The following ZFPM2 variants were observed in gnomAD, a reference collection of about 807,000 sequenced individuals.
ZFPM2 encodes zinc finger protein, FOG family member 2.
A neutral mutation model predicts 98.6 loss-of-function variants in ZFPM2; 20 were observed. That is an observed-to-expected ratio of 0.20 (90% CI 0.14 to 0.29). The LOEUF is 0.29. Ranked by LOEUF, ZFPM2 falls within the 10% of genes least tolerant of loss-of-function variation. The pLI, the probability that ZFPM2 is intolerant of heterozygous loss-of-function variation, is 1.00. For synonymous variants in ZFPM2, 518 were observed against 502.7 expected (o/e 1.03, Z -0.41); for missense variants, 1,310 against 1,388.6 (o/e 0.94, Z 0.90).
intron 5 of ZFPM2, among the ~76,000 whole-genome samples, chr8:105,707,973 ACT>A (rs1158916820): frequency 1.3e-5 from 2 of 152,058 alleles, no homozygotes; most frequent in African/African-American, 4.8e-5. Context: ...ATAATTTTTA[ACT>A]CTTTAGTCCA....
intron 4 of ZFPM2, among the ~76,000 whole-genome samples, chr8:105,578,547 C>A (rs1446205885): frequency 6.6e-6 from 1 of 152,054 alleles, no homozygotes; most frequent in Non-Finnish European, 1.5e-5. Context: ...AGATGTGATT[C>A]ATCTGAAAAT....
At chr8:105,365,787 T>A (rs1304567371) in intron 1 of ZFPM2, among the ~76,000 whole-genome samples, 1 of 152,182 alleles carries the variant, frequency 6.6e-6, no homozygotes, top group East Asian at 1.9e-4. Context: ...TGGCCTGGAC[T>A]TGGGCTTCGA....
intron 4 of ZFPM2, among the ~76,000 whole-genome samples, chr8:105,610,865 ACTGT>A (rs1394034576): frequency 6.6e-6 from 1 of 152,218 alleles, no homozygotes; most frequent in East Asian, 1.9e-4. Context: ...CAGGACCAAG[ACTGT>A]CTGGAGCAGC....
rs375017894 is a variant in ZFPM2 at position 105,343,996 on chromosome 8, TGAAG to T, written c.40+25020_40+25023del. ...GAGGCCTCACAATCATGGCAGAAGA[TGAAG>T]GAAGAGTAAAGGGATTTCTTACATG... On this transcript the variant is annotated intron_variant, in intron 1 of 7. Transcript: ENST00000407775. 2.4e-4 allele frequency among the ~76,000 whole-genome samples: 37 copies of T among 152,188 alleles called. No homozygotes were observed. In the East Asian group the frequency reaches 6.4e-3, roughly 26 times the overall value.
chr8:105,347,990 T>G (rs1409730299), intron 1 of ZFPM2, among the ~76,000 whole-genome samples: 1 of 152,188 alleles, frequency 6.6e-6, no homozygotes, highest in Non-Finnish European at 1.5e-5. Flanking sequence ...ATTGACCAAC[T>G]TTTCCTATCC....
At chr8:105,470,905 C>CAA (rs1812890460) in intron 3 of ZFPM2, among the ~76,000 whole-genome samples, 1 of 151,870 alleles carries the variant, frequency 6.6e-6, no homozygotes, top group Non-Finnish European at 1.5e-5. Flanking sequence ...TTACTAAATT[C>CAA]AAAATTATTT....
intron 3 of ZFPM2, among the ~76,000 whole-genome samples, chr8:105,487,719 C>G (rs1478564125): frequency 1.8e-4 from 27 of 152,042 alleles, no homozygotes; most frequent in Admixed American, 1.8e-3. Context: ...AAAAAAAACT[C>G]TATAGAATAA....
chr8:105,798,959 C>T lies in ZFPM2; in HGVS notation c.964+11C>T. 4 of 1,606,522 alleles carry T rather than the reference C, an allele frequency of 2.5e-6. No homozygotes were observed. Among genetic ancestry groups the T allele is most frequent in the Non-Finnish European group, 3.4e-6 (4 of 1,174,148 alleles). On this transcript the variant is annotated intron_variant, in intron 7 of 7. Transcript: ENST00000407775. ...TGAATTCACACAGTGGTAAATGCCC[C>T]TTTTGTTTCTTCTGTTGCTCCAGAA...
At chr8:105,798,629 G>A (rs1326508278) in intron 6 of ZFPM2, 95 bp from the exon 7 acceptor site, 2 of 1,019,700 alleles carry the variant, frequency 2.0e-6, no homozygotes, top group East Asian at 5.2e-5. Context: ...GAACCTGAGA[G>A]CGGAGTCTGA....
intron 3 of ZFPM2, among the ~76,000 whole-genome samples, chr8:105,542,961 C>T (rs939064994): frequency 6.6e-6 from 1 of 152,062 alleles, no homozygotes; most frequent in African/African-American, 2.4e-5. Context: ...TTAAAAATAA[C>T]TTCTTGTTCT....
chr8:105,388,888 G>A (rs1482688404), intron 1 of ZFPM2, among the ~76,000 whole-genome samples: 1 of 152,154 alleles, frequency 6.6e-6, no homozygotes, highest in Non-Finnish European at 1.5e-5. Context: ...TTGGAGGTTA[G>A]ACCTTCACTG....
intron 2 of ZFPM2, among the ~76,000 whole-genome samples, chr8:105,424,128 G>C (rs1312587840): frequency 1.3e-5 from 2 of 152,108 alleles, no homozygotes; most frequent in African/African-American, 4.8e-5. Flanking sequence ...AACACCACCT[G>C]TTCCCCCAAA....
intron 1 of ZFPM2, among the ~76,000 whole-genome samples, chr8:105,352,339 T>C (rs1286425901): frequency 1.3e-5 from 2 of 152,214 alleles, no homozygotes; most frequent in Non-Finnish European, 2.9e-5. Flanking sequence ...CTAAACTGCT[T>C]ATTTAATACA....
intron 1 of ZFPM2, among the ~76,000 whole-genome samples, chr8:105,350,688 A>ATATTAG (rs1301056015): frequency 6.6e-6 from 1 of 152,158 alleles, no homozygotes; most frequent in Non-Finnish European, 1.5e-5. Flanking sequence ...ATATTTTAGC[A>ATATTAG]TATTAGTATA....
At chr8:105,692,091 A>G (rs1249884181) in intron 5 of ZFPM2, among the ~76,000 whole-genome samples, 1 of 152,204 alleles carries the variant, frequency 6.6e-6, no homozygotes, top group African/African-American at 2.4e-5. Flanking sequence ...AAACAGAATC[A>G]TGAATCTACT....
At chr8:105,466,615 G>C (rs976485044) in intron 3 of ZFPM2, among the ~76,000 whole-genome samples, 1 of 152,076 alleles carries the variant, frequency 6.6e-6, no homozygotes. Flanking sequence ...CAATACAGAG[G>C]GGGTACATTA....
At chr8:105,441,148 C>G (rs529169755) in intron 2 of ZFPM2, among the ~76,000 whole-genome samples, 116 of 151,944 alleles carry the variant, frequency 7.6e-4, no homozygotes, top group African/African-American at 2.6e-3. Context: ...GAGTGAGACT[C>G]CATCTCAAAA....
intron 1 of ZFPM2, among the ~76,000 whole-genome samples, chr8:105,366,588 A>G (rs551536327): frequency 6.6e-6 from 1 of 151,796 alleles, no homozygotes; most frequent in Non-Finnish European, 1.5e-5. Context: ...TTACATATGT[A>G]TACATGTGCC....
intron 3 of ZFPM2, among the ~76,000 whole-genome samples, chr8:105,473,908 G>A (rs1812960096): frequency 6.6e-6 from 1 of 152,186 alleles, no homozygotes. Context: ...GTTTTCAATA[G>A]TGGGGAGAGA....
Sources: allele counts gnomAD v4.1 joint callset (sites outside exome capture counted in the v4.1 genomes callset), GRCh38; gene constraint gnomAD v4.1.1; transcripts MANE v1.5; gene names NCBI Gene and HGNC (gene_info 2026-07-23, HGNC 2026-07-21).